Variants in RTN1 observed in about 807,000 individuals in gnomAD.
RTN1 encodes reticulon-1.
RTN1 carries 25 observed loss-of-function variants against 65.5 expected under a neutral mutation model. The observed-to-expected ratio is 0.38, with a 90% CI of 0.28 to 0.53. The LOEUF (loss-of-function observed/expected upper bound fraction) is 0.53. RTN1 is among the 20% of genes least tolerant of loss of function. RTN1 has a pLI of 0.79. For synonymous variants in RTN1, 471 were observed against 447.6 expected, an observed-to-expected ratio of 1.05 and a Z score of -0.66; for missense variants, 983 against 1,025.4, an observed-to-expected ratio of 0.96 and a Z score of 0.57.
At chr14:59,605,761 G>A (rs745594757) in intron 4 of RTN1, 1 of 336,172 alleles carries the variant, frequency 3.0e-6, no homozygotes, top group Non-Finnish European at 5.3e-6. Flanking sequence ...AGCATGGGTG[G>A]GCTGAAAATT....
At chr14:59,626,146 G>T (rs1000868097) in intron 3 of RTN1, among the ~76,000 whole-genome samples, 1 of 152,014 alleles carries the variant, frequency 6.6e-6, no homozygotes, top group Non-Finnish European at 1.5e-5. Flanking sequence ...ATTCCCAAAG[G>T]CATGCTTTTT....
chr14:59,607,249 G>C, intron 4 of RTN1, 36 bp downstream of exon 4: 1 of 1,588,758 alleles, frequency 6.3e-7, no homozygotes, highest in Non-Finnish European at 8.6e-7. Context: ...AAAGCCCCTG[G>C]TCAGTGGGTG....
In RTN1 at chr14:59,822,410, A is replaced by C. The variant is rs369423900; in HGVS notation, c.241+47980T>G. ...TTGGATCTTCTCTCTTTTGTTCTTT[A>C]TTAATCTGGCTAGCAATCTATCAAC... On this transcript the variant is annotated intron_variant, in intron 1 of 8. Transcript: ENST00000267484. 2.6e-5 allele frequency among the ~76,000 whole-genome samples: 4 copies of C among 152,188 alleles called. No individual in the cohort carries two copies. In the East Asian group the frequency reaches 7.7e-4, roughly 29 times the overall value.
Position 59,794,732 on chromosome 14 carries a change from A to T in RTN1, c.242-48251T>A, listed in dbSNP as rs911051435. ...GGATGAGAGAAAGGAAAAAGAAAGG[A>T]AAGAACATACCCTTTTCTTTTCAGG... On this transcript the variant is annotated intron_variant, in intron 1 of 8. Coordinates refer to ENST00000267484, the MANE Select transcript of RTN1 (RefSeq NM_021136.3). This position sits in a 1 kb window ranked among gnomAD's most constrained non-coding sequence, Gnocchi z 5.1. Among the ~76,000 whole-genome samples the T allele has an allele frequency of 2.6e-4, 40 of 152,172 alleles. No homozygotes were observed. Among genetic ancestry groups the T allele is most frequent in the African/African-American group, 9.2e-4 (38 of 41,428 alleles).
At chr14:59,695,828 T>A (rs970351013) in intron 3 of RTN1, among the ~76,000 whole-genome samples, 5 of 151,970 alleles carry the variant, frequency 3.3e-5, no homozygotes, top group Non-Finnish European at 5.9e-5. Flanking sequence ...TATATTGATA[T>A]TATATTTATA....
intron 3 of RTN1, among the ~76,000 whole-genome samples, chr14:59,675,734 G>T (rs1245845522): frequency 2.0e-5 from 3 of 151,748 alleles, no homozygotes; most frequent in Non-Finnish European, 2.9e-5. Flanking sequence ...AAACTCAGGG[G>T]TATCCAATTC....
At chr14:59,671,303 A>G (rs1270198670) in intron 3 of RTN1, among the ~76,000 whole-genome samples, 2 of 152,186 alleles carry the variant, frequency 1.3e-5, no homozygotes, top group African/African-American at 4.8e-5. Flanking sequence ...TTAAACCCCT[A>G]TTAGCTATAG....
At chr14:59,601,237 C>T (rs1298506636) in intron 8 of RTN1, among the ~76,000 whole-genome samples, 1 of 152,162 alleles carries the variant, frequency 6.6e-6, no homozygotes, top group East Asian at 1.9e-4. Context: ...TCTGTCTTTG[C>T]TTTATTACCT....
At chr14:59,818,630 G>A (rs1421643802) in intron 1 of RTN1, among the ~76,000 whole-genome samples, 1 of 152,114 alleles carries the variant, frequency 6.6e-6, no homozygotes, top group Non-Finnish European at 1.5e-5. Flanking sequence ...GAACATATGA[G>A]TCCGTGTGTC....
intron 1 of RTN1, among the ~76,000 whole-genome samples, chr14:59,752,259 A>G (rs912759820): frequency 6.6e-6 from 1 of 152,170 alleles, no homozygotes; most frequent in Non-Finnish European, 1.5e-5. Context: ...GGGAGGTTCA[A>G]GATCAAGGTG....
intron 1 of RTN1, among the ~76,000 whole-genome samples, chr14:59,861,981 T>C (rs894740423): frequency 6.6e-6 from 1 of 152,140 alleles, no homozygotes; most frequent in African/African-American, 2.4e-5. Context: ...CTAGGGGAGC[T>C]ATTACCTCGT....
rs187641782 is a variant in RTN1 at position 59,768,328 on chromosome 14, T to C, written c.242-21847A>G. Among the ~76,000 whole-genome samples the C allele has an allele frequency of 3.0e-3, 452 of 152,358 alleles. 4 individuals carry two copies. Among genetic ancestry groups the C allele is most frequent in the African/African-American group, 9.9e-3 (413 of 41,582 alleles). On this transcript the variant is annotated intron_variant, in intron 1 of 8. Transcript: ENST00000267484. ...ATGACATTATCTGGTTATAGACTTTTCTTTGGCAACACAAAGACAGGAATT... is the reference window on the plus strand; with the variant it reads ...ATGACATTATCTGGTTATAGACTTTCCTTTGGCAACACAAAGACAGGAATT...
chr14:59,690,714 C>A lies in RTN1; in HGVS notation c.1765+36205G>T, dbSNP rs182435100. On this transcript the variant is annotated intron_variant, in intron 3 of 8. Transcript: ENST00000267484. ...GCCATAAAGCAAGTCTCAATAAATT[C>A]AAAAAAATCTAAATCATACCACCCA... Among the ~76,000 whole-genome samples, 29 of 151,934 alleles carry A rather than the reference C, an allele frequency of 1.9e-4. No homozygotes were observed. The East Asian group carries it at 5.6e-3, about 29-fold the overall frequency.
intron 1 of RTN1, among the ~76,000 whole-genome samples, chr14:59,784,073 CT>C (rs1886207005): frequency 6.6e-6 from 1 of 152,044 alleles, no homozygotes; most frequent in South Asian, 2.1e-4. Context: ...GGTCATTTGT[CT>C]TTTTTTATAT....
At position 59,745,823 on chromosome 14, in the gene RTN1, G is replaced by A. The variant is rs898925656; in HGVS notation, c.900C>T (p.Thr300=). ...TTAGACATATATCTTGCTTCTCAGGGGTCTTCTCTTGGGTAGTGGTTTCAA... is the reference window on the plus strand; with the variant it reads ...TTAGACATATATCTTGCTTCTCAGGAGTCTTCTCTTGGGTAGTGGTTTCAA... ...PSVETTTQEK[T]PEKQDICLKP... Residue 300 remains threonine, a synonymous_variant, in exon 2 of 9, where the codon ACC becomes ACT. Coordinates refer to ENST00000267484, the MANE Select transcript of RTN1 (RefSeq NM_021136.3). 1 of 1,614,006 alleles carries A rather than the reference G, an allele frequency of 6.2e-7. No individual in the cohort carries two copies. Among genetic ancestry groups the A allele is most frequent in the African/African-American group, 1.3e-5 (1 of 74,966 alleles).
chr14:59,837,330 TAA>T (rs199628871), intron 1 of RTN1, among the ~76,000 whole-genome samples: 1 of 151,906 alleles, frequency 6.6e-6, no homozygotes, highest in Admixed American at 6.6e-5. Context: ...TGATAAAATG[TAA>T]AAAAATAAAA....
chr14:59,606,576 C>T (rs1330963898), intron 4 of RTN1, among the ~76,000 whole-genome samples: 2 of 152,178 alleles, frequency 1.3e-5, no homozygotes. Flanking sequence ...GAATCCTACC[C>T]TGCTGGCACC....
chr14:59,598,662 C>A (rs533910330), intron 8 of RTN1, among the ~76,000 whole-genome samples: 1 of 152,272 alleles, frequency 6.6e-6, no homozygotes, highest in South Asian at 2.1e-4. Flanking sequence ...CTTCATGGGG[C>A]AGATGGTTCT....
At chr14:59,784,127 T>C (rs1462325699) in intron 1 of RTN1, among the ~76,000 whole-genome samples, 2 of 152,182 alleles carry the variant, frequency 1.3e-5, no homozygotes, top group African/African-American at 2.4e-5. Context: ...GTTAATCTTG[T>C]CTTTATGTTT....
Sources: allele counts gnomAD v4.1 joint callset (sites outside exome capture counted in the v4.1 genomes callset), GRCh38; gene constraint gnomAD v4.1.1; non-coding constraint Gnocchi (gnomAD v3.1); transcripts MANE v1.5; gene names NCBI Gene and HGNC (gene_info 2026-07-23, HGNC 2026-07-21).